Variants in RRP36 observed in about 807,000 individuals in gnomAD.
The protein encoded by RRP36 is ribosomal RNA processing 36, also known as ribosomal RNA processing protein 36 homolog.
In RRP36, 44 loss-of-function variants were observed where a neutral mutation model predicts 39.8. That is an observed-to-expected ratio of 1.10 (90% CI 0.87 to 1.42). The LOEUF is 1.42. Ranked by LOEUF, RRP36 falls within the 40% of genes most tolerant of loss-of-function variation. The pLI, the probability that RRP36 is intolerant of heterozygous loss-of-function variation, is 0.00. For synonymous variants in RRP36, 124 were observed against 123.1 expected (o/e 1.01, Z -0.05); for missense variants, 316 against 322.4 (o/e 0.98, Z 0.15).
intron 6 of RRP36, among the ~76,000 whole-genome samples, chr6:43,028,709 G>C (rs1762861052): frequency 6.6e-6 from 1 of 151,602 alleles, no homozygotes; most frequent in Non-Finnish European, 1.5e-5. Context: ...CCAGCACTTT[G>C]GGAGGCTGAG....
At chr6:43,023,826 A>G (rs1459197521) in intron 1 of RRP36, among the ~76,000 whole-genome samples, 1 of 151,952 alleles carries the variant, frequency 6.6e-6, no homozygotes, top group Non-Finnish European at 1.5e-5. Flanking sequence ...GATAGAGGAT[A>G]TGGAGAAAAA....
intron 1 of RRP36, among the ~76,000 whole-genome samples, chr6:43,022,347 C>T (rs1333632275): frequency 1.3e-5 from 2 of 152,106 alleles, no homozygotes; most frequent in Admixed American, 1.3e-4. Context: ...ATCCGCCCGC[C>T]TCAGCCTCCC....
chr6:43,026,641 C>T (rs1346276178), intron 4 of RRP36, among the ~76,000 whole-genome samples: 3 of 151,676 alleles, frequency 2.0e-5, no homozygotes, highest in African/African-American at 7.3e-5. Flanking sequence ...TCACTGCACT[C>T]CAACCTGGGC....
At chr6:43,026,194 G>A (rs1762811571) in intron 4 of RRP36, 53 bp downstream of exon 4, 2 of 1,322,044 alleles carry the variant, frequency 1.5e-6, no homozygotes, top group African/African-American at 1.4e-5. Flanking sequence ...GAAAATGAGG[G>A]CACAGGTTAG....
intron 6 of RRP36, among the ~76,000 whole-genome samples, chr6:43,027,719 C>T (rs1171422006): frequency 7.7e-6 from 1 of 130,370 alleles, no homozygotes; most frequent in Non-Finnish European, 1.7e-5. Context: ...CCAACCCCCC[C>T]CCCCCAACAC....
intron 3 of RRP36, among the ~76,000 whole-genome samples, chr6:43,025,609 T>A (rs1478370572): frequency 2.9e-5 from 3 of 104,674 alleles, no homozygotes; most frequent in Admixed American, 1.3e-4. Flanking sequence ...TGGGACAGAG[T>A]AAGACTCTGT....
rs529080488 is a variant in RRP36, at chr6:43,027,495, G to A, written c.643+18G>A. The A allele has an allele frequency of 5.0e-6, 8 of 1,597,270 alleles. No individual in the cohort carries two copies. The African/African-American group carries it at 9.4e-5, about 19-fold the overall frequency. On this transcript the variant is annotated intron_variant, in intron 6 of 6. Transcript: ENST00000244496. ...GAAAAAATGTGAGTTGGGCACAACT[G>A]TTGCTAACAGGGACAGGGGTGCAGG...
At chr6:43,028,614 C>A (rs188713064) in intron 6 of RRP36, among the ~76,000 whole-genome samples, 1 of 149,574 alleles carries the variant, frequency 6.7e-6, no homozygotes, top group Non-Finnish European at 1.5e-5. Context: ...TGCCACAGCA[C>A]TTCAGCCTGG....
At position 43,025,322 on chromosome 6, in the gene RRP36, G is replaced by A; in HGVS notation, c.338G>A (p.Ser113Asn). Residue 113 changes from serine (S) to asparagine (N), a missense_variant, in exon 3 of 7, where the codon AGT becomes AAT. Physicochemically the swap from Ser to Asn is conservative, Grantham distance 46. Coordinates refer to ENST00000244496, the MANE Select transcript of RRP36 (RefSeq NM_033112.4). ...VPFLRQVVPI[S>N]KKVARDPRFD... ...TTTTTACGTCAGGTTGTTCCCATTAGTAAAAAGGTAAGGAAGAAGGCCAGG... is the reference window on the plus strand; with the variant it reads ...TTTTTACGTCAGGTTGTTCCCATTAATAAAAAGGTAAGGAAGAAGGCCAGG... 6.2e-7 allele frequency: 1 copy of A among 1,613,422 alleles called. No homozygotes were observed. Among genetic ancestry groups the A allele is most frequent in the Non-Finnish European group, 8.5e-7 (1 of 1,179,994 alleles).
At chr6:43,026,905 TAAAAA>T (rs11415536) in intron 4 of RRP36, among the ~76,000 whole-genome samples, 122 of 145,322 alleles carry the variant, frequency 8.4e-4, no homozygotes, top group African/African-American at 2.8e-3. Flanking sequence ...TCTACTAAAA[TAAAAA>T]AAAAAATTAG....
Position 43,024,904 on chromosome 6 carries a change from C to T in RRP36, c.131-81C>T, listed in dbSNP as rs1762783139. The T allele has an allele frequency of 3.3e-6, 5 of 1,531,998 alleles. No individual in the cohort carries two copies. In the Admixed American group the frequency reaches 7.0e-5, roughly 21 times the overall value. The allele number at this position is 1,531,998 out of a possible 1,614,324, so 94.9% of individuals were successfully genotyped here. The stretch of plus-strand genomic sequence containing the variant: ...CTGATGGGGTATTAGGATTAGCTAG[C>T]TAAGGAATGGGGATGGGAAGATGTC... On this transcript the variant is annotated intron_variant, in intron 1 of 6. Transcript: ENST00000244496.
chr6:43,024,054 A>G (rs1361106554), intron 1 of RRP36, among the ~76,000 whole-genome samples: 1 of 152,022 alleles, frequency 6.6e-6, no homozygotes, highest in Non-Finnish European at 1.5e-5. Flanking sequence ...CGGTTTCACC[A>G]TGTTGACCGG....
chr6:43,027,929 T>C (rs564271871), intron 6 of RRP36, among the ~76,000 whole-genome samples: 75 of 151,800 alleles, frequency 4.9e-4, no homozygotes, highest in Non-Finnish European at 9.4e-4. Flanking sequence ...CACAATCAGT[T>C]TTGTTTCTTG....
At chr6:43,026,416 A>C (rs1365708917) in intron 4 of RRP36, among the ~76,000 whole-genome samples, 1 of 151,080 alleles carries the variant, frequency 6.6e-6, no homozygotes, top group Non-Finnish European at 1.5e-5. Flanking sequence ...GCCTGTAAGT[A>C]ATCCCAGCAC....
At chr6:43,021,845 G>A (rs1041313599) in intron 1 of RRP36, 61 bp downstream of exon 1, 71 of 1,167,752 alleles carry the variant, frequency 6.1e-5, no homozygotes, top group Middle Eastern at 3.3e-4. Context: ...GGGGCCCTGA[G>A]CCTGCAGAGA....
chr6:43,022,801 T>A (rs1762749789), intron 1 of RRP36, among the ~76,000 whole-genome samples: 1 of 151,836 alleles, frequency 6.6e-6, no homozygotes, highest in African/African-American at 2.4e-5. Flanking sequence ...CCGGCTAATT[T>A]TTTGTATTTT....
Position 43,025,274 on chromosome 6 carries a change from T to C in RRP36, c.290T>C (p.Met97Thr), listed in dbSNP as rs759055516. ...CVADKHRPLE[M>T]SAKIRVPFLR... ...TAATTTCTCCATAGGCCTCTGGAAA[T>C]GTCAGCCAAGATCCGAGTACCATTT... Residue 97 changes from methionine to threonine, a missense_variant, in exon 3 of 7, where the codon ATG (methionine) becomes ACG (threonine). Physicochemically the swap from Met to Thr is moderately conservative, Grantham distance 81. Transcript: ENST00000244496. 101 of 1,613,994 alleles carry C rather than the reference T, an allele frequency of 6.3e-5. No homozygotes were observed. Among genetic ancestry groups the C allele is most frequent in the Non-Finnish European group, 8.1e-5 (96 of 1,180,030 alleles).
chr6:43,029,224 A>C lies in RRP36; in HGVS notation c.776A>C (p.Glu259Ala), dbSNP rs376410795. ...AGGAGACATCTCCCTTTGAGCAAAG[A>C]GTAATAAGGAACTATCCTCTGCTCT... ...KDRRHLPLSK[E>A] Residue 259 changes from glutamate to alanine, a missense_variant, in exon 7 of 7, where the codon GAG becomes GCG. Transcript: ENST00000244496. The C allele has an allele frequency of 1.9e-4, 302 of 1,614,214 alleles. 4 individuals carry two copies. In the South Asian group the frequency reaches 3.1e-3, roughly 17 times the overall value.
chr6:43,022,396 C>A (rs1003758555), intron 1 of RRP36, among the ~76,000 whole-genome samples: 2 of 151,886 alleles, frequency 1.3e-5, no homozygotes, highest in African/African-American at 4.8e-5. Context: ...CTGCGCCCAG[C>A]CTGTTTTTTA....
Sources: allele counts gnomAD v4.1 joint callset (sites outside exome capture counted in the v4.1 genomes callset), GRCh38; gene constraint gnomAD v4.1.1; transcripts MANE v1.5; gene names NCBI Gene and HGNC (gene_info 2026-07-23, HGNC 2026-07-21).